PDE3B: variants seen among roughly 807,000 people sequenced by gnomAD.
PDE3B encodes phosphodiesterase 3B.
Under a neutral mutation model 116.8 loss-of-function variants are expected in PDE3B, and 66 were observed. The observed-to-expected ratio is 0.56, with a 90% confidence interval of 0.46 to 0.69. The LOEUF (loss-of-function observed/expected upper bound fraction) is 0.69. PDE3B is among the 30% of genes least tolerant of loss of function. PDE3B has a pLI of 0.00. For missense variants in PDE3B, 1,384 were observed against 1,368.1 expected (o/e 1.01, Z -0.18); for synonymous variants, 595 against 533.6 (o/e 1.12, Z -1.59).
At chr11:14,667,944 T>C (rs993040184) in intron 1 of PDE3B, among the ~76,000 whole-genome samples, 1 of 151,732 alleles carries the variant, frequency 6.6e-6, no homozygotes, top group African/African-American at 2.4e-5. Flanking sequence ...TGGGTAAATA[T>C]CACACTGACT....
Position 14,861,335 on chromosome 11 carries a change from C to A in PDE3B, c.2855C>A (p.Thr952Lys). ...GTTCGAGACTTGCATTTGAAATGGA[C>A]AGAAGGCATTGTCAATGAATTTTAT... ...AKVRDLHLKWTEGIVNEFYEQ... is the reference protein window; with the variant it reads ...AKVRDLHLKWKEGIVNEFYEQ... The change falls in exon 14 of 16, where the codon ACA becomes AAA. Residue 952 changes from threonine (T) to lysine (K), a missense_variant. Transcript: ENST00000282096. The A allele has an allele frequency of 1.2e-6, 2 of 1,613,616 alleles. No homozygotes were observed. Among genetic ancestry groups the A allele is most frequent in the Non-Finnish European group, 1.7e-6 (2 of 1,179,704 alleles).
At chr11:14,768,328 G>A in intron 1 of PDE3B, among the ~76,000 whole-genome samples, 1 of 151,646 alleles carries the variant, frequency 6.6e-6, no homozygotes, top group East Asian at 1.9e-4. Flanking sequence ...GAAGTTCCCT[G>A]TATGTCACTC....
At chr11:14,725,960 C>A (rs1484864407) in intron 1 of PDE3B, among the ~76,000 whole-genome samples, 1 of 152,078 alleles carries the variant, frequency 6.6e-6, no homozygotes, top group Non-Finnish European at 1.5e-5. Flanking sequence ...GATCTAGTCA[C>A]TTTTTTGACT....
intron 4 of PDE3B, among the ~76,000 whole-genome samples, chr11:14,793,724 A>G (rs1858462098): frequency 6.6e-6 from 1 of 152,160 alleles, no homozygotes; most frequent in Admixed American, 6.6e-5. Context: ...TACCTCCTAC[A>G]CTAAAGAGAC....
intron 10 of PDE3B, among the ~76,000 whole-genome samples, chr11:14,833,211 C>A (rs143400312): frequency 1.8e-3 from 276 of 152,226 alleles, no homozygotes; most frequent in African/African-American, 6.2e-3. Context: ...CCTTGGCCTC[C>A]CAAAGTGCTG....
At chr11:14,649,631 A>G (rs1013686863) in intron 1 of PDE3B, among the ~76,000 whole-genome samples, 1 of 152,238 alleles carries the variant, frequency 6.6e-6, no homozygotes, top group Non-Finnish European at 1.5e-5. Context: ...GAAGTGAGAG[A>G]GAGTCAGTTA....
chr11:14,820,640 C>T (rs1045985965), intron 7 of PDE3B, among the ~76,000 whole-genome samples: 4 of 152,036 alleles, frequency 2.6e-5, no homozygotes, highest in East Asian at 3.9e-4. Flanking sequence ...CCTGATATGA[C>T]GGTATTGGGA....
At chr11:14,649,883 G>A (rs985744092) in intron 1 of PDE3B, among the ~76,000 whole-genome samples, 1 of 152,184 alleles carries the variant, frequency 6.6e-6, no homozygotes, top group Non-Finnish European at 1.5e-5. Flanking sequence ...CTGAAAAACT[G>A]TTAGCTAAAC....
In PDE3B at chr11:14,666,595, C is replaced by T. The variant is rs1854161276; in HGVS notation, c.978+21542C>T. On this transcript the variant is annotated intron_variant, in intron 1 of 15. Coordinates refer to ENST00000282096, the MANE Select transcript of PDE3B (RefSeq NM_000922.4). ...CTCAAACAAATTTACAAGAAAAAAA[C>T]ACACAACCCCATCAACAAGTGGGTG... Among the ~76,000 whole-genome samples the T allele has an allele frequency of 2.6e-5, 4 of 151,030 alleles. No individual in the cohort carries two copies. The South Asian group carries it at 8.3e-4, about 32-fold the overall frequency.
intron 1 of PDE3B, among the ~76,000 whole-genome samples, chr11:14,746,206 C>T (rs1425681904): frequency 6.6e-6 from 1 of 152,036 alleles, no homozygotes. Context: ...CCAGCCTGGC[C>T]AACATGGTGA....
At chr11:14,783,503 G>A (rs1384022263) in intron 2 of PDE3B, among the ~76,000 whole-genome samples, 4 of 152,060 alleles carry the variant, frequency 2.6e-5, no homozygotes, top group East Asian at 1.9e-4. Flanking sequence ...GCAAGCTATC[G>A]CAAGGACAGA....
intron 1 of PDE3B, among the ~76,000 whole-genome samples, chr11:14,752,563 T>A (rs1003230356): frequency 2.0e-5 from 3 of 152,190 alleles, no homozygotes; most frequent in Non-Finnish European, 4.4e-5. Context: ...CCTCCCTCCT[T>A]CAAGTTTTAT....
At chr11:14,866,618 A>T (rs1203518218) in intron 14 of PDE3B, among the ~76,000 whole-genome samples, 1 of 152,110 alleles carries the variant, frequency 6.6e-6, no homozygotes, top group African/African-American at 2.4e-5. Flanking sequence ...AATCACGGGG[A>T]CAGTTTCTGG....
rs1848111313 is a variant in PDE3B at position 14,869,664 on chromosome 11, CAGTTTG to C, written c.*8_*13del. 6.2e-7 allele frequency: 1 copy of C among 1,611,516 alleles called. No homozygotes were observed. Among genetic ancestry groups the C allele is most frequent in the Non-Finnish European group, 8.5e-7 (1 of 1,178,664 alleles). ...AGAGGCAGATGAAGAGGAATAGCGA[CAGTTTG>C]AGTAAAAGAAAAGTCATATTGAAGA... On this transcript the variant is annotated 3_prime_UTR_variant, in exon 16 of 16. Coordinates refer to ENST00000282096, the MANE Select transcript of PDE3B (RefSeq NM_000922.4).
At chr11:14,668,287 A>G (rs1052835550) in intron 1 of PDE3B, among the ~76,000 whole-genome samples, 2 of 152,062 alleles carry the variant, frequency 1.3e-5, no homozygotes. Flanking sequence ...TTTTGCATGT[A>G]TTTTGTGTTA....
At chr11:14,862,235 C>G (rs192477587) in intron 14 of PDE3B, among the ~76,000 whole-genome samples, 2 of 152,276 alleles carry the variant, frequency 1.3e-5, no homozygotes, top group Admixed American at 1.3e-4. Flanking sequence ...CCTGACATTT[C>G]TGATGGGGTT....
chr11:14,813,499 C>G (rs533911399), intron 5 of PDE3B, among the ~76,000 whole-genome samples: 2 of 152,266 alleles, frequency 1.3e-5, no homozygotes, highest in South Asian at 4.1e-4. Context: ...AGGCATAGGA[C>G]TTAGCCGTGT....
At chr11:14,892,165 A>AGCGCCGCCGC in the PDE3B span, 13 of 1,610,546 alleles carry the variant, frequency 8.1e-6, no homozygotes, top group African/African-American at 1.7e-4. Context: ...CGCGCCGCCG[A>AGCGCCGCCGC]GCGCCGCCGC....
chr11:14,802,237 A>C (rs1858796118), intron 4 of PDE3B, among the ~76,000 whole-genome samples: 1 of 152,170 alleles, frequency 6.6e-6, no homozygotes, highest in South Asian at 2.1e-4. Flanking sequence ...GTCTGCCTAA[A>C]TGGCCGCCCA....
Sources: allele counts gnomAD v4.1 joint callset (sites outside exome capture counted in the v4.1 genomes callset), GRCh38; gene constraint gnomAD v4.1.1; transcripts MANE v1.5; gene names NCBI Gene and HGNC (gene_info 2026-07-23, HGNC 2026-07-21).